The following NARS2 variants were observed in gnomAD, a reference collection of about 807,000 sequenced individuals.
NARS2 encodes the protein asparaginyl-tRNA synthetase.
A neutral mutation model predicts 62.9 loss-of-function variants in NARS2; 60 were observed. The observed-to-expected ratio is 0.95, with a 90% CI of 0.77 to 1.18. NARS2 has a LOEUF of 1.18. NARS2 is among the 50% of genes most tolerant of loss of function. NARS2 has a pLI of 0.00. For missense variants in NARS2, 619 were observed against 576.4 expected (o/e 1.07, Z -0.76); for synonymous variants, 196 against 200.0 (o/e 0.98, Z 0.17).
At chr11:78,439,570 AG>A (rs1428196620) in intron 13 of NARS2, among the ~76,000 whole-genome samples, 1 of 152,200 alleles carries the variant, frequency 6.6e-6, no homozygotes, top group African/African-American at 2.4e-5. Context: ...TGAAGGAGAT[AG>A]TATCATTCCA....
intron 5 of NARS2, among the ~76,000 whole-genome samples, chr11:78,548,839 G>A (rs557880439): frequency 9.2e-5 from 14 of 152,070 alleles, no homozygotes; most frequent in South Asian, 4.1e-4. Context: ...TCTAGAAATC[G>A]TCTTAAGGGT....
intron 9 of NARS2, among the ~76,000 whole-genome samples, chr11:78,472,785 A>T (rs1210618559): frequency 6.6e-6 from 1 of 152,206 alleles, no homozygotes; most frequent in Admixed American, 6.5e-5. Context: ...TAGTAGATTC[A>T]GCTACACCAG....
At chr11:78,566,525 AG>A (rs1293647251) in intron 3 of NARS2, among the ~76,000 whole-genome samples, 1 of 152,204 alleles carries the variant, frequency 6.6e-6, no homozygotes, top group Non-Finnish European at 1.5e-5. Context: ...ATATCACTGA[AG>A]CTCATCTGTT....
chr11:78,509,943 T>C (rs1039584446), intron 6 of NARS2, among the ~76,000 whole-genome samples: 6 of 152,026 alleles, frequency 3.9e-5, no homozygotes, highest in Admixed American at 6.6e-5. Context: ...GGATCTTCAA[T>C]GTACTCTCCA....
intron 11 of NARS2, among the ~76,000 whole-genome samples, chr11:78,459,540 G>T (rs1858309395): frequency 1.3e-5 from 2 of 152,118 alleles, no homozygotes; most frequent in Admixed American, 1.3e-4. Context: ...AAAGTGCTGG[G>T]ATTACAGGAG....
intron 5 of NARS2, among the ~76,000 whole-genome samples, chr11:78,550,335 G>C (rs1856052593): frequency 6.6e-6 from 1 of 152,162 alleles, no homozygotes; most frequent in South Asian, 2.1e-4. Context: ...TACAAGGAAA[G>C]TAACTTTAAA....
At chr11:78,572,199 C>T (rs757180805) in intron 1 of NARS2, among the ~76,000 whole-genome samples, 1 of 152,104 alleles carries the variant, frequency 6.6e-6, no homozygotes, top group Non-Finnish European at 1.5e-5. Context: ...CAAAAAAACA[C>T]AAAAACTAAT....
At chr11:78,518,512 A>G (rs1447076565) in intron 6 of NARS2, among the ~76,000 whole-genome samples, 1 of 152,080 alleles carries the variant, frequency 6.6e-6, no homozygotes, top group Non-Finnish European at 1.5e-5. Flanking sequence ...AATGTTAAAA[A>G]CAAACAATTT....
chr11:78,480,503 CCTTGGCCT>C (rs1319554668), intron 7 of NARS2, among the ~76,000 whole-genome samples: 1 of 151,904 alleles, frequency 6.6e-6, no homozygotes, highest in East Asian at 1.9e-4. Context: ...GATCTGCCCA[CCTTGGCCT>C]CTTAAAGTGT....
intron 5 of NARS2, among the ~76,000 whole-genome samples, chr11:78,530,277 T>C (rs1325866329): frequency 6.6e-6 from 1 of 152,182 alleles, no homozygotes; most frequent in African/African-American, 2.4e-5. Flanking sequence ...AAATAAAAGA[T>C]CTGTTCTCTG....
In NARS2 at chr11:78,571,339, T is replaced by G; in HGVS notation, c.247A>C (p.Ser83Arg). Residue 83 changes from serine to arginine, a missense_variant, in exon 2 of 14, where the codon AGT (serine) becomes CGT (arginine). Coordinates refer to ENST00000281038, the MANE Select transcript of NARS2 (RefSeq NM_024678.6). ...CTTTTAAAAAACAAAACTCACCTACTGTCAAGGCCTGAATCTGCAACAACC... is the reference window on the plus strand; with the variant it reads ...CTTTTAAAAAACAAAACTCACCTACGGTCAAGGCCTGAATCTGCAACAACC... ...LQVVADSGLD[S>R]RELNFGSSVE... The G allele has an allele frequency of 6.2e-7, 1 of 1,607,186 alleles. No individual in the cohort carries two copies. The highest frequency in any genetic ancestry group is 8.5e-7 in the Non-Finnish European group (1 of 1,174,128).
At chr11:78,446,242 T>C (rs907276939) in intron 11 of NARS2, among the ~76,000 whole-genome samples, 13 of 152,204 alleles carry the variant, frequency 8.5e-5, no homozygotes, top group African/African-American at 3.1e-4. Flanking sequence ...TAATCAACAA[T>C]AAAGAATAAT....
At chr11:78,552,716 T>C (rs188871375) in intron 5 of NARS2, among the ~76,000 whole-genome samples, 2 of 152,272 alleles carry the variant, frequency 1.3e-5, no homozygotes, top group East Asian at 3.9e-4. Context: ...AGTTCTCCCA[T>C]CTTTCTGGAT....
intron 5 of NARS2, 116 bp from the exon 6 acceptor site, chr11:78,529,052 G>C (rs1861393614): frequency 1.5e-6 from 1 of 676,728 alleles, no homozygotes; most frequent in African/African-American, 1.8e-5. Flanking sequence ...GTGAAGGCAG[G>C]TTGTTCTCAG....
In NARS2 at chr11:78,436,654, T is replaced by G; in HGVS notation, c.*16A>C. 6.2e-7 allele frequency: 1 copy of G among 1,614,000 alleles called. No individual in the cohort carries two copies. The highest frequency in any genetic ancestry group is 8.5e-7 in the Non-Finnish European group (1 of 1,179,906). ...TCTCTGCCATGGGGGGTGCTTTTCC[T>G]TAACCAATCTTCCAGCTATAAAAGG... is the stretch of plus-strand genomic sequence containing the variant. On this transcript the variant is annotated 3_prime_UTR_variant, in exon 14 of 14. Coordinates refer to ENST00000281038, the MANE Select transcript of NARS2 (RefSeq NM_024678.6).
chr11:78,550,460 C>T (rs977227332), intron 5 of NARS2, among the ~76,000 whole-genome samples: 9 of 152,110 alleles, frequency 5.9e-5, no homozygotes, highest in African/African-American at 1.9e-4. Context: ...AGCGTTAGCC[C>T]ATTCTAGAAT....
chr11:78,539,435 T>TA (rs564357606), intron 5 of NARS2, among the ~76,000 whole-genome samples: 2 of 151,970 alleles, frequency 1.3e-5, no homozygotes, highest in African/African-American at 2.4e-5. Flanking sequence ...TTCACTGAGA[T>TA]AAAAAAAGAA....
At chr11:78,543,043 T>C (rs368638812) in intron 5 of NARS2, among the ~76,000 whole-genome samples, 41 of 152,188 alleles carry the variant, frequency 2.7e-4, no homozygotes, top group Admixed American at 2.2e-3. Context: ...CCAAGTACGG[T>C]GGTGGGTGCC....
intron 6 of NARS2, among the ~76,000 whole-genome samples, chr11:78,521,291 A>C (rs961848609): frequency 6.6e-6 from 1 of 151,758 alleles, no homozygotes; most frequent in Non-Finnish European, 1.5e-5. Context: ...TACTCTCCCA[A>C]GTAGCTAGGA....
Sources: gnomAD v4.1 joint callset for allele counts (sites outside exome capture counted in the v4.1 genomes callset) on GRCh38, gnomAD v4.1.1 for gene constraint, MANE v1.5 for transcripts, NCBI Gene and HGNC (gene_info 2026-07-23, HGNC 2026-07-21) for gene names.